Variants in PAQR3 observed in about 807,000 individuals in gnomAD.
PAQR3 encodes Raf kinase trapping to Golgi.
PAQR3 carries 39 observed loss-of-function variants against 41.7 expected under a neutral mutation model. The ratio of observed to expected loss-of-function variants is 0.93; its 90% CI spans 0.72 to 1.22. The LOEUF (loss-of-function observed/expected upper bound fraction) is 1.22, where lower values mean the gene tolerates loss of function less well. PAQR3 is among the 50% of genes most tolerant of loss of function. The pLI is 0.00. For synonymous variants in PAQR3, 140 were observed against 140.6 expected (o/e 1.00, Z 0.03); for missense variants, 366 against 385.6 (o/e 0.95, Z 0.42).
chr4:78,890,826 C>G (rs1733394163), intron 11 of PAQR3, among the ~76,000 whole-genome samples: 1 of 152,134 alleles, frequency 6.6e-6, no homozygotes, highest in African/African-American at 2.4e-5. Flanking sequence ...TCTTCTCATC[C>G]TTTTTCTTGG....
chr4:78,911,259 C>T (rs1734579501), downstream of PAQR3: 1 of 1,613,930 alleles, frequency 6.2e-7, no homozygotes, highest in Non-Finnish European at 8.5e-7. Context: ...CGCCTTTTAG[C>T]AAGAAGGTGA....
chr4:78,917,143 C>CTAT lies in PAQR3; in HGVS notation c.*3393_*3395dup, dbSNP rs374565698. ...AGATGAATATATGCTGCAATTTGAGCTATTTATTTTGGATAACGAATACCT... is the reference window on the plus strand; with the variant it reads ...AGATGAATATATGCTGCAATTTGAGCTATTATTTATTTTGGATAACGAATACCT... On this transcript the variant is annotated 3_prime_UTR_variant, in exon 6 of 6. Coordinates refer to ENST00000512733, the MANE Select transcript of PAQR3 (RefSeq NM_001040202.2). 29 of 151,912 alleles carry CTAT rather than the reference C, an allele frequency of 1.9e-4. No homozygotes were observed. The highest frequency in any genetic ancestry group is 6.8e-4 in the African/African-American group (28 of 41,384). 9.4% of individuals were successfully genotyped at this position (151,912 alleles called of 1,614,324 possible).
chr4:78,934,547 T>C (rs1183312157), intron 2 of PAQR3, among the ~76,000 whole-genome samples: 1 of 152,232 alleles, frequency 6.6e-6, no homozygotes, highest in Non-Finnish European at 1.5e-5. Flanking sequence ...TGTTAACTTT[T>C]AAAGACATTT....
chr4:78,912,281 A>C lies in PAQR3; in HGVS notation c.*8258T>G. 1 of 401,568 alleles carries C rather than the reference A, an allele frequency of 2.5e-6. No homozygotes were observed. Among genetic ancestry groups the C allele is most frequent in the African/African-American group, 2.0e-5 (1 of 49,084 alleles). The allele number at this position is 401,568 out of a possible 1,614,324, so 24.9% of individuals were successfully genotyped here. ...AAGGGTTTCTGCTACTGACATCACA[A>C]CACAGAAATGCAAGTGTGGTACTTC... On this transcript the variant is annotated 3_prime_UTR_variant, in exon 6 of 6. Transcript: ENST00000512733.
rs1370201321 is a variant in PAQR3 at position 78,913,869 on chromosome 4, G to A, written c.*6670C>T. 1 of 151,024 alleles carries A rather than the reference G, an allele frequency of 6.6e-6. No homozygotes were observed. Among genetic ancestry groups the A allele is most frequent in the African/African-American group, 2.4e-5 (1 of 41,088 alleles). 9.4% of individuals were successfully genotyped at this position (151,024 alleles called of 1,614,324 possible). ...TAGAGCTGGACTGCACCAATTACTT[G>A]TCCTCGTGCCAAAGGCAAATATGTT... On this transcript the variant is annotated 3_prime_UTR_variant, in exon 6 of 6. Transcript: ENST00000512733.
chr4:78,898,264 T>G (rs796221164), intron 11 of PAQR3, among the ~76,000 whole-genome samples: 3 of 152,182 alleles, frequency 2.0e-5, no homozygotes, highest in African/African-American at 4.8e-5. Context: ...AAATTGAGTT[T>G]AGGATTGGGA....
At chr4:78,903,693 T>C (rs1010793890) in intron 11 of PAQR3, among the ~76,000 whole-genome samples, 1 of 151,848 alleles carries the variant, frequency 6.6e-6, no homozygotes, top group African/African-American at 2.4e-5. Flanking sequence ...TACAGAATAT[T>C]AAAAAAAATT....
chr4:78,911,299 G>A (rs748964239), downstream of PAQR3: 2 of 1,613,976 alleles, frequency 1.2e-6, no homozygotes, highest in South Asian at 2.2e-5. Context: ...AGTGGGGCCT[G>A]AGGCACATAC....
At position 78,926,509 on chromosome 4, in the gene PAQR3, C is replaced by A. The variant is rs1217528226; in HGVS notation, c.702+12G>T. 4 of 1,593,156 alleles carry A rather than the reference C, an allele frequency of 2.5e-6. No individual in the cohort carries two copies. The highest frequency in any genetic ancestry group is 2.3e-5 in the South Asian group (2 of 88,206). Reference sequence around the variant, plus strand: ...AAAAAAAAGAGAAAAATATTAACTACACTCAACCTACCTGTACAATAGGAG... The same window carrying A: ...AAAAAAAAGAGAAAAATATTAACTAAACTCAACCTACCTGTACAATAGGAG... On this transcript the variant is annotated intron_variant, in intron 4 of 5. Coordinates refer to ENST00000512733, the MANE Select transcript of PAQR3 (RefSeq NM_001040202.2).
downstream of PAQR3, among the ~76,000 whole-genome samples, chr4:78,908,323 CTT>C (rs1365046607): frequency 3.9e-5 from 6 of 152,192 alleles, no homozygotes; most frequent in Non-Finnish European, 7.4e-5. Flanking sequence ...TACTGGACCT[CTT>C]TGCACCATCC....
At chr4:78,932,920 T>C (rs772759266) in intron 2 of PAQR3, among the ~76,000 whole-genome samples, 6 of 152,102 alleles carry the variant, frequency 3.9e-5, no homozygotes, top group Middle Eastern at 3.2e-3. Flanking sequence ...TTCTATGGAG[T>C]ACCTCACTCC....
In PAQR3 at chr4:78,918,655, T is replaced by C. The variant is rs1227414512; in HGVS notation, c.*1884A>G. 1.1e-6 allele frequency: 1 copy of C among 945,992 alleles called. No individual in the cohort carries two copies. Among genetic ancestry groups the C allele is most frequent in the Non-Finnish European group, 1.3e-6 (1 of 793,948 alleles). 58.6% of individuals were successfully genotyped at this position (945,992 alleles called of 1,614,324 possible). ...TATTAATTCAAATGGCAAGTATGTATTCATATACTAATACAGGGACTGCAA... is the reference window on the plus strand; with the variant it reads ...TATTAATTCAAATGGCAAGTATGTACTCATATACTAATACAGGGACTGCAA... On this transcript the variant is annotated 3_prime_UTR_variant, in exon 6 of 6. Transcript: ENST00000512733.
At chr4:78,899,261 G>A (rs914874601) in intron 11 of PAQR3, 8 of 152,198 alleles carry the variant, frequency 5.3e-5, no homozygotes, top group African/African-American at 1.4e-4. Context: ...GGGAACAGGG[G>A]ACCTTGAAGG....
rs954339572 is a variant in PAQR3, at chr4:78,917,142, G to C, written c.*3397C>G. 1 of 151,984 alleles carries C rather than the reference G, an allele frequency of 6.6e-6. No homozygotes were observed. Among genetic ancestry groups the C allele is most frequent in the Non-Finnish European group, 1.5e-5 (1 of 67,914 alleles). The allele number at this position is 151,984 out of a possible 1,614,324, so 9.4% of individuals were successfully genotyped here. A position where few individuals can be genotyped will look rare whatever the true frequency, so the allele number is the denominator to read the frequency against. The stretch of plus-strand genomic sequence containing the variant: ...GAGATGAATATATGCTGCAATTTGA[G>C]CTATTTATTTTGGATAACGAATACC... On this transcript the variant is annotated 3_prime_UTR_variant, in exon 6 of 6. Transcript: ENST00000512733.
rs751762180 is a variant in PAQR3, at chr4:78,892,684, G to A, written c.*837-4536C>T. On this transcript the variant is annotated intron_variant and NMD_transcript_variant, in intron 11 of 12. Coordinates refer to the PAQR3 transcript ENST00000342820. ...TCCATTCCAGACCACTACAAAAAGT[G>A]AATATTTTGCAATAAAGAGAGGGAC... Among the ~76,000 whole-genome samples the A allele has an allele frequency of 5.2e-4, 79 of 152,128 alleles. 1 individual carries two copies. The highest frequency in any genetic ancestry group is 2.2e-3 in the Admixed American group (34 of 15,276).
intron 11 of PAQR3, among the ~76,000 whole-genome samples, chr4:78,889,490 G>T (rs558264275): frequency 6.6e-6 from 1 of 152,188 alleles, no homozygotes; most frequent in Admixed American, 6.5e-5. Context: ...TTATTATAAA[G>T]CTTTGAAATA....
At chr4:78,894,724 C>A (rs1262855902) in intron 11 of PAQR3, among the ~76,000 whole-genome samples, 1 of 152,140 alleles carries the variant, frequency 6.6e-6, no homozygotes, top group Non-Finnish European at 1.5e-5. Context: ...CCTTTGTGTT[C>A]ACTTGGCTAA....
At chr4:78,934,029 T>C (rs1737177410) in intron 2 of PAQR3, among the ~76,000 whole-genome samples, 2 of 152,160 alleles carry the variant, frequency 1.3e-5, no homozygotes, top group Non-Finnish European at 2.9e-5. Context: ...ATTATAAAAT[T>C]GGTTATGGAT....
chr4:78,901,307 TA>T (rs1733994768), intron 11 of PAQR3, among the ~76,000 whole-genome samples: 1 of 152,068 alleles, frequency 6.6e-6, no homozygotes, highest in Admixed American at 6.6e-5. Context: ...GAAAGCCTTT[TA>T]CCTCAGCCTC....
Sources: allele counts gnomAD v4.1 joint callset (sites outside exome capture counted in the v4.1 genomes callset), GRCh38; gene constraint gnomAD v4.1.1; transcripts MANE v1.5; gene names NCBI Gene and HGNC (gene_info 2026-07-23, HGNC 2026-07-21).